Variants in ATOSA observed in about 807,000 individuals in gnomAD.
ATOSA encodes the protein atos homolog A.
At chr15:52,700,819 C>T in the ATOSA span, among the ~76,000 whole-genome samples, 1 of 152,150 alleles carries the variant, frequency 6.6e-6, no homozygotes, top group Non-Finnish European at 1.5e-5. Flanking sequence ...ATATTTACCT[C>T]AACATATATT....
the ATOSA span, among the ~76,000 whole-genome samples, chr15:52,636,054 TTATTAAATTAAATTAAAA>T: frequency 2.7e-5 from 4 of 145,784 alleles, no homozygotes; most frequent in East Asian, 7.9e-4. Flanking sequence ...ATTAATAAAT[TTATTAAATTAAATTAAAA>T]TATTAAATTA....
the ATOSA span, among the ~76,000 whole-genome samples, chr15:52,639,461 G>A: frequency 6.6e-6 from 1 of 152,170 alleles, no homozygotes; most frequent in African/African-American, 2.4e-5. Context: ...GCCAGAATAA[G>A]AGTATCTAGT....
the ATOSA span, among the ~76,000 whole-genome samples, chr15:52,591,496 C>T: frequency 2.6e-5 from 4 of 152,108 alleles, no homozygotes; most frequent in Non-Finnish European, 4.4e-5. Flanking sequence ...GTGATCTGTC[C>T]GCCCCAGCCT....
chr15:52,695,561 C>T, the ATOSA span, among the ~76,000 whole-genome samples: 2,031 of 152,284 alleles, frequency 0.013, 28 homozygotes, highest in Non-Finnish European at 0.021. Flanking sequence ...TCACTGTTGT[C>T]GACGTTTGGA....
At chr15:52,643,219 GC>G in the ATOSA span, among the ~76,000 whole-genome samples, 1,044 of 152,260 alleles carry the variant, frequency 6.9e-3, 13 homozygotes, top group African/African-American at 0.024. Context: ...CTCTTAACAT[GC>G]TTTCTGCTTT....
the ATOSA span, chr15:52,611,765 T>C: frequency 4.3e-6 from 7 of 1,613,776 alleles, no homozygotes; most frequent in Non-Finnish European, 5.9e-6. Context: ...CTAGTTCGTC[T>C]GGCTTGGCGG....
At chr15:52,688,987 G>C in the ATOSA span, among the ~76,000 whole-genome samples, 2 of 152,246 alleles carry the variant, frequency 1.3e-5, no homozygotes, top group Non-Finnish European at 1.5e-5. Context: ...GAAATTCACA[G>C]TGCCATTGCT....
chr15:52,586,350 G>C, the ATOSA span: 2 of 152,104 alleles, frequency 1.3e-5, no homozygotes. Context: ...TGCAGTATTG[G>C]AACAATGATG....
At chr15:52,648,173 T>A in the ATOSA span, among the ~76,000 whole-genome samples, 1 of 152,146 alleles carries the variant, frequency 6.6e-6, no homozygotes, top group Admixed American at 6.6e-5. Context: ...GTAATGAATC[T>A]AAGTAGTTTC....
chr15:52,594,875 C>A, the ATOSA span, among the ~76,000 whole-genome samples: 2 of 152,126 alleles, frequency 1.3e-5, no homozygotes, highest in African/African-American at 4.8e-5. Context: ...TATAGTATCA[C>A]CTACCACTTA....
chr15:52,669,084 AT>A, the ATOSA span, among the ~76,000 whole-genome samples: 1 of 151,572 alleles, frequency 6.6e-6, no homozygotes, highest in Non-Finnish European at 1.5e-5. Context: ...CACCCAGCTA[AT>A]TTTTTTGTAT....
chr15:52,687,277 C>T, the ATOSA span, among the ~76,000 whole-genome samples: 114 of 152,282 alleles, frequency 7.5e-4, no homozygotes, highest in African/African-American at 2.7e-3. Flanking sequence ...TGTTGGCGGG[C>T]GCGTGTAGTC....
At chr15:52,584,724 C>T in the ATOSA span, 5 of 1,589,486 alleles carry the variant, frequency 3.1e-6, no homozygotes, top group Middle Eastern at 1.7e-4. Context: ...GTAACATTTT[C>T]ATATTAATTT....
chr15:52,600,754 G>A, the ATOSA span, among the ~76,000 whole-genome samples: 1 of 149,798 alleles, frequency 6.7e-6, no homozygotes, highest in African/African-American at 2.4e-5. Flanking sequence ...ATTATAATCA[G>A]AGTATTATTT....
chr15:52,681,707 C>A, the ATOSA span, among the ~76,000 whole-genome samples: 1 of 152,114 alleles, frequency 6.6e-6, no homozygotes, highest in African/African-American at 2.4e-5. Context: ...TTTTGCTTTC[C>A]CCTAGGGTTT....
chr15:52,678,049 C>G, the ATOSA span: 2 of 1,614,006 alleles, frequency 1.2e-6, no homozygotes, highest in Non-Finnish European at 1.7e-6. Context: ...GCCCAGAGTG[C>G]TGTGAAATGC....
chr15:52,608,597 A>G, the ATOSA span: 16 of 1,595,606 alleles, frequency 1.0e-5, no homozygotes, highest in Admixed American at 1.8e-5. Context: ...GGTTGCTCAC[A>G]TGTAGACAAA....
At chr15:52,646,126 A>G in the ATOSA span, among the ~76,000 whole-genome samples, 1 of 152,158 alleles carries the variant, frequency 6.6e-6, no homozygotes, top group Admixed American at 6.5e-5. Context: ...TCCTTCTCCC[A>G]ACCATATGAA....
chr15:52,679,820 CT>C, the ATOSA span, among the ~76,000 whole-genome samples: 2 of 129,772 alleles, frequency 1.5e-5, no homozygotes, highest in Admixed American at 7.7e-5. Context: ...TCCCCCCCTC[CT>C]CCTCCTCCTC....
Sources: allele counts gnomAD v4.1 joint callset (sites outside exome capture counted in the v4.1 genomes callset), GRCh38; gene constraint gnomAD v4.1.1; transcripts MANE v1.5; gene names NCBI Gene and HGNC (gene_info 2026-07-23, HGNC 2026-07-21).